Variants in MARCHF8 observed in about 807,000 individuals in gnomAD.
The protein encoded by MARCHF8 is E3 ubiquitin-protein ligase MARCHF8.
MARCHF8 carries 40 observed loss-of-function variants against 51.6 expected under a neutral mutation model. The observed-to-expected ratio is 0.77, with a 90% CI of 0.60 to 1.01. The LOEUF (loss-of-function observed/expected upper bound fraction) is 1.01, where lower values mean the gene tolerates loss of function less well. Among genes scored for constraint, MARCHF8 ranks in the 50% least tolerant of loss-of-function variants. MARCHF8 has a pLI of 0.00. For missense variants in MARCHF8, 685 were observed against 708.6 expected (o/e 0.97, Z 0.38); for synonymous variants, 263 against 280.3 (o/e 0.94, Z 0.62).
chr10:45,507,285 C>T (rs1349473636), intron 2 of MARCHF8, among the ~76,000 whole-genome samples: 1 of 152,094 alleles, frequency 6.6e-6, no homozygotes, highest in Non-Finnish European at 1.5e-5. Flanking sequence ...CTGGTTGTTC[C>T]AGAACGAGAA....
At chr10:45,497,450 A>C (rs1194536466) in intron 2 of MARCHF8, among the ~76,000 whole-genome samples, 2 of 152,174 alleles carry the variant, frequency 1.3e-5, no homozygotes, top group African/African-American at 4.8e-5. Flanking sequence ...TCCACAGAAT[A>C]CAAAACCCAA....
intron 2 of MARCHF8, among the ~76,000 whole-genome samples, chr10:45,496,242 A>G (rs1363046036): frequency 6.6e-6 from 1 of 152,196 alleles, no homozygotes; most frequent in Non-Finnish European, 1.5e-5. Context: ...CTATAAGACA[A>G]TATAAATGCA....
intron 1 of MARCHF8, among the ~76,000 whole-genome samples, chr10:45,550,898 A>G (rs1178717891): frequency 6.6e-6 from 1 of 152,236 alleles, no homozygotes; most frequent in Admixed American, 6.5e-5. Flanking sequence ...CAGTCCTTCA[A>G]TATAAGTGAT....
chr10:45,502,716 G>C (rs183540959), intron 2 of MARCHF8, among the ~76,000 whole-genome samples: 1 of 152,126 alleles, frequency 6.6e-6, no homozygotes. Context: ...TTTCAGGAAT[G>C]AAGGGAAATA....
At chr10:45,520,470 TGAA>T (rs1457400875) in intron 2 of MARCHF8, among the ~76,000 whole-genome samples, 10 of 152,184 alleles carry the variant, frequency 6.6e-5, no homozygotes, top group Non-Finnish European at 1.3e-4. Context: ...AAATCAATGC[TGAA>T]GTAGTGCTGG....
chr10:45,518,167 T>C (rs12762495), intron 2 of MARCHF8, among the ~76,000 whole-genome samples: 9,385 of 152,202 alleles, frequency 0.062, 333 homozygotes, highest in Non-Finnish European at 0.066. Context: ...CTGATGACTA[T>C]GGAGGGGCAG....
intron 2 of MARCHF8, among the ~76,000 whole-genome samples, chr10:45,515,578 T>C (rs2043604629): frequency 1.3e-5 from 2 of 152,232 alleles, no homozygotes; most frequent in African/African-American, 2.4e-5. Flanking sequence ...CCACAGTAGA[T>C]AGGAATTCTC....
chr10:45,531,197 A>G (rs1265737201), intron 2 of MARCHF8, among the ~76,000 whole-genome samples: 1 of 152,216 alleles, frequency 6.6e-6, no homozygotes, highest in Non-Finnish European at 1.5e-5. Context: ...GGACAGAAAA[A>G]GTATCTGAAG....
At chr10:45,568,524 T>A (rs1165175976) in intron 1 of MARCHF8, among the ~76,000 whole-genome samples, 1 of 151,886 alleles carries the variant, frequency 6.6e-6, no homozygotes, top group Non-Finnish European at 1.5e-5. Context: ...ATCATGACCA[T>A]CCTGGCCAAC....
At chr10:45,593,464 T>G (rs2044703495) in intron 1 of MARCHF8, 2 of 152,350 alleles carry the variant, frequency 1.3e-5, no homozygotes, top group African/African-American at 4.8e-5. Context: ...TCTCAAGATT[T>G]CACACAAGAG....
At chr10:45,487,677 C>T (rs57314907) in intron 3 of MARCHF8, among the ~76,000 whole-genome samples, 9,749 of 152,098 alleles carry the variant, frequency 0.064, 742 homozygotes, top group East Asian at 0.45. Context: ...ATTTTTAACG[C>T]AAAATTAAGC....
At position 45,463,492 on chromosome 10, in the gene MARCHF8, A is replaced by G; in HGVS notation, c.747T>C (p.Gly249=). 6.4e-7 allele frequency: 1 copy of G among 1,550,566 alleles called. No individual in the cohort carries two copies. The highest frequency in any genetic ancestry group is 1.2e-5 in the South Asian group (1 of 84,058). Residue 249 remains glycine, a synonymous_variant, in exon 5 of 8, where the codon GGT becomes GGC. Coordinates refer to ENST00000453424, the MANE Select transcript of MARCHF8 (RefSeq NM_001282866.2). Reference sequence around the variant, plus strand: ...GTTGCCGGCTTCGGGACGTGGCCTCACCATCCGCCTTCTCTTCCAGCAGCA... The same window carrying G: ...GTTGCCGGCTTCGGGACGTGGCCTCGCCATCCGCCTTCTCTTCCAGCAGCA... ...PGLLLEEKAD[G]EATSRSRQLL...
At chr10:45,538,224 G>A (rs561611696), upstream of MARCHF8, among the ~76,000 whole-genome samples, 4 of 152,236 alleles carry the variant, frequency 2.6e-5, no homozygotes, top group Admixed American at 1.3e-4. Context: ...ACTAAGCTTT[G>A]TAAGTGAAGG....
intron 1 of MARCHF8, among the ~76,000 whole-genome samples, chr10:45,572,688 TC>T (rs1327275980): frequency 7.4e-4 from 113 of 152,164 alleles, no homozygotes; most frequent in African/African-American, 2.5e-3. Context: ...CTTCTTTCCC[TC>T]CCGCCTGTCC....
intron 2 of MARCHF8, among the ~76,000 whole-genome samples, chr10:45,492,864 G>GT (rs1287843146): frequency 6.6e-6 from 1 of 152,190 alleles, no homozygotes; most frequent in Non-Finnish European, 1.5e-5. Context: ...ATATTTCTGA[G>GT]TTTTTTGGAC....
At chr10:45,529,281 A>G (rs11239550) in intron 2 of MARCHF8, among the ~76,000 whole-genome samples, 47,158 of 152,038 alleles carry the variant, frequency 0.31, 7,521 homozygotes, top group Admixed American at 0.36. Flanking sequence ...CACTGGACCC[A>G]TATCTCTCAC....
intron 1 of MARCHF8, among the ~76,000 whole-genome samples, chr10:45,541,545 T>A (rs1209478510): frequency 6.6e-6 from 1 of 152,114 alleles, no homozygotes; most frequent in Non-Finnish European, 1.5e-5. Context: ...GTTGTGCACA[T>A]GTACCCTAAA....
At position 45,458,354 on chromosome 10, in the gene MARCHF8, G is replaced by A. The variant is rs1391353633; in HGVS notation, c.1607C>T (p.Pro536Leu). 2 of 1,613,972 alleles carry A rather than the reference G, an allele frequency of 1.2e-6. No homozygotes were observed. The highest frequency in any genetic ancestry group is 1.3e-5 in the African/African-American group (1 of 74,916). ...ATTTTCAAAGTTGGGCTCTGTTAGT[G>A]GAGATTTTTCAAAAATATTCTTTTT... ...TSKKNIFEKSPLTEPNFENKH... is the reference protein window; with the variant it reads ...TSKKNIFEKSLLTEPNFENKH... The change falls in exon 8 of 8, where the codon CCA (proline) becomes CTA (leucine). Residue 536 changes from proline to leucine, a missense_variant. Physicochemically the swap from Pro to Leu is moderately conservative, Grantham distance 98. Coordinates refer to ENST00000453424, the MANE Select transcript of MARCHF8 (RefSeq NM_001282866.2).
rs754746437 is a variant in MARCHF8, at chr10:45,464,300, G to C, written c.181C>G (p.Pro61Ala). ...CGAGAGAAGGAGGACACCGGAGCCG[G>C]AGCTGATGCTGACGGAGGACTCCCA... ...KAGSPPSASA[P>A]APVSSFSRTS... The change falls in exon 4 of 8, where the codon CCG (proline) becomes GCG (alanine). Residue 61 changes from proline (P) to alanine (A), a missense_variant. Transcript: ENST00000453424. 6 of 1,614,204 alleles carry C rather than the reference G, an allele frequency of 3.7e-6. No homozygotes were observed. The South Asian group carries it at 4.4e-5, about 12-fold the overall frequency.
Sources: allele counts gnomAD v4.1 joint callset (sites outside exome capture counted in the v4.1 genomes callset), GRCh38; gene constraint gnomAD v4.1.1; transcripts MANE v1.5; gene names NCBI Gene and HGNC (gene_info 2026-07-23, HGNC 2026-07-21).